Variants in THSD7A observed in about 807,000 individuals in gnomAD.
THSD7A encodes the protein thrombospondin type-1 domain-containing protein 7A.
A neutral mutation model predicts 231.3 loss-of-function variants in THSD7A; 96 were observed. That is an observed-to-expected ratio of 0.41 (90% CI 0.35 to 0.49). THSD7A has a LOEUF of 0.49. THSD7A is among the 20% of genes least tolerant of loss of function. THSD7A has a pLI of 0.05. For missense variants in THSD7A, 2,290 were observed against 2,070.2 expected (o/e 1.11, Z -2.06); for synonymous variants, 940 against 743.3 (o/e 1.26, Z -4.30).
At chr7:11,793,774 A>T (rs1323497034) in intron 1 of THSD7A, among the ~76,000 whole-genome samples, 1 of 151,968 alleles carries the variant, frequency 6.6e-6, no homozygotes, top group Non-Finnish European at 1.5e-5. Flanking sequence ...CAAACGAAAT[A>T]GAACAAAAAG....
chr7:11,532,857 C>T (rs1428842514), intron 6 of THSD7A, among the ~76,000 whole-genome samples: 1 of 152,082 alleles, frequency 6.6e-6, no homozygotes, highest in East Asian at 1.9e-4. Flanking sequence ...AAAAATAAAA[C>T]TATTTCTCAT....
intron 3 of THSD7A, among the ~76,000 whole-genome samples, chr7:11,591,789 G>C (rs1780174740): frequency 6.6e-6 from 1 of 152,104 alleles, no homozygotes; most frequent in African/African-American, 2.4e-5. Flanking sequence ...GGGGATTGAA[G>C]GGGAAGGAAG....
intron 6 of THSD7A, among the ~76,000 whole-genome samples, chr7:11,500,310 A>G (rs533402385): frequency 3.9e-5 from 6 of 152,222 alleles, no homozygotes; most frequent in African/African-American, 1.4e-4. Context: ...GAGATCTTGA[A>G]AGGAGCACTA....
chr7:11,385,253 T>A (rs1782683716), intron 23 of THSD7A: 2 of 152,092 alleles, frequency 1.3e-5, no homozygotes, highest in African/African-American at 4.8e-5. Context: ...ATGAGAATGA[T>A]AATTTTATTT....
chr7:11,417,832 T>C (rs1784013816), intron 16 of THSD7A, among the ~76,000 whole-genome samples: 1 of 152,162 alleles, frequency 6.6e-6, no homozygotes, highest in Admixed American at 6.5e-5. Context: ...GATTCAAAAA[T>C]GTGTTTGCAT....
intron 1 of THSD7A, among the ~76,000 whole-genome samples, chr7:11,721,725 T>C (rs891278484): frequency 6.6e-6 from 1 of 151,920 alleles, no homozygotes; most frequent in Non-Finnish European, 1.5e-5. Flanking sequence ...CTTTAATTGT[T>C]GCCATAGTGA....
intron 1 of THSD7A, among the ~76,000 whole-genome samples, chr7:11,773,767 G>A (rs567321857): frequency 6.6e-6 from 1 of 151,942 alleles, no homozygotes; most frequent in African/African-American, 2.4e-5. Flanking sequence ...AGTCAAATCA[G>A]GGTAATTGGG....
intron 1 of THSD7A, among the ~76,000 whole-genome samples, chr7:11,733,787 T>C (rs1781815723): frequency 6.6e-6 from 1 of 151,956 alleles, no homozygotes; most frequent in African/African-American, 2.4e-5. Context: ...TGTGGTTTCT[T>C]CTCATAGTAA....
rs530005379 is a variant in THSD7A at position 11,379,116 on chromosome 7, G to A, written c.4755C>T (p.Asn1585=). The change falls in exon 26 of 28, where the codon AAC becomes AAT. Residue 1585 remains asparagine (N), a synonymous_variant. Transcript: ENST00000423059. ...RAVHPTQPSS[N]PAGRGRTWFL... ...ACCAGGTCCTTCCCCGTCCTGCTGG[G>A]TTACTGGAGGGTTGGGTTGGATGTA... 23 of 1,613,580 alleles carry A rather than the reference G, an allele frequency of 1.4e-5. No homozygotes were observed. In the Admixed American group the frequency reaches 3.3e-4, roughly 23 times the overall value.
chr7:11,454,366 C>T (rs1785236659), intron 11 of THSD7A, among the ~76,000 whole-genome samples: 1 of 151,884 alleles, frequency 6.6e-6, no homozygotes, highest in Non-Finnish European at 1.5e-5. Flanking sequence ...AAATCCTTCA[C>T]TACTTCTCAT....
chr7:11,427,501 C>A (rs984908584), intron 14 of THSD7A, among the ~76,000 whole-genome samples: 1 of 152,054 alleles, frequency 6.6e-6, no homozygotes, highest in Non-Finnish European at 1.5e-5. Context: ...GCAAAGACAA[C>A]TTGGCCTGAG....
At chr7:11,410,226 G>C (rs1783733661) in intron 19 of THSD7A, among the ~76,000 whole-genome samples, 1 of 151,366 alleles carries the variant, frequency 6.6e-6, no homozygotes. Context: ...ACACATGTGG[G>C]TGCTCTGCTC....
chr7:11,729,101 G>C (rs1001071779), intron 1 of THSD7A, among the ~76,000 whole-genome samples: 1 of 151,776 alleles, frequency 6.6e-6, no homozygotes, highest in African/African-American at 2.4e-5. Flanking sequence ...AAATAGATTT[G>C]TGAGTAAACT....
At chr7:11,656,500 C>T (rs1433829042) in intron 1 of THSD7A, among the ~76,000 whole-genome samples, 1 of 151,876 alleles carries the variant, frequency 6.6e-6, no homozygotes, top group Non-Finnish European at 1.5e-5. Context: ...ATCTAGATCT[C>T]GTTCTCTACC....
intron 1 of THSD7A, among the ~76,000 whole-genome samples, chr7:11,675,230 T>C (rs929434560): frequency 2.0e-5 from 3 of 152,074 alleles, no homozygotes; most frequent in African/African-American, 7.2e-5. Flanking sequence ...ACAGTGCTAT[T>C]CGGCACAGAT....
chr7:11,738,886 T>A (rs1050363418), intron 1 of THSD7A, among the ~76,000 whole-genome samples: 2 of 152,010 alleles, frequency 1.3e-5, no homozygotes. Context: ...ACTTCAGACT[T>A]CTGACCTCCA....
At chr7:11,507,424 A>G (rs1239835160) in intron 6 of THSD7A, among the ~76,000 whole-genome samples, 1 of 152,180 alleles carries the variant, frequency 6.6e-6, no homozygotes, top group Non-Finnish European at 1.5e-5. Context: ...GGAAATTTGT[A>G]TGCCCGAATA....
chr7:11,694,408 C>T (rs1259212116), intron 1 of THSD7A, among the ~76,000 whole-genome samples: 1 of 151,508 alleles, frequency 6.6e-6, no homozygotes, highest in Non-Finnish European at 1.5e-5. Flanking sequence ...ATTCCTGTTA[C>T]ATGTCAGCCA....
intron 1 of THSD7A, among the ~76,000 whole-genome samples, chr7:11,669,834 T>C (rs774377764): frequency 5.1e-4 from 77 of 152,256 alleles, no homozygotes; most frequent in Non-Finnish European, 8.5e-4. Context: ...TAATCCTTCA[T>C]CTAAGAGTAC....
Sources: gnomAD v4.1 joint callset for allele counts (sites outside exome capture counted in the v4.1 genomes callset) on GRCh38, gnomAD v4.1.1 for gene constraint, MANE v1.5 for transcripts, NCBI Gene and HGNC (gene_info 2026-07-23, HGNC 2026-07-21) for gene names.